Variants in MTUS2 observed in about 807,000 individuals in gnomAD.
MTUS2 encodes the protein microtubule associated scaffold protein 2.
Under a neutral mutation model 114.1 loss-of-function variants are expected in MTUS2, and 40 were observed. The observed-to-expected ratio is 0.35, with a 90% CI of 0.27 to 0.46. The LOEUF is 0.46. Ranked by LOEUF, MTUS2 falls within the 20% of genes least tolerant of loss-of-function variation. The pLI is 1.00. For missense variants in MTUS2, 1,679 were observed against 1,705.4 expected (o/e 0.98, Z 0.27); for synonymous variants, 688 against 672.0 (o/e 1.02, Z -0.37).
At chr13:29,281,291 C>T (rs1203789594) in intron 5 of MTUS2, among the ~76,000 whole-genome samples, 2 of 152,148 alleles carry the variant, frequency 1.3e-5, no homozygotes, top group Non-Finnish European at 2.9e-5. Context: ...TCCTGGGTCA[C>T]TCACGCTGTA....
At position 29,471,827 on chromosome 13, in the gene MTUS2, C is replaced by CG. The variant is rs148927712; in HGVS notation, c.3185-8320dup. The stretch of plus-strand genomic sequence containing the variant: ...CTTTGCAAATGGATTAGGCTACTTA[C>CG]GGGACCCCTAGTAGGCTTACTGTGG... On this transcript the variant is annotated intron_variant, in intron 9 of 15. Coordinates refer to ENST00000612955, the MANE Select transcript of MTUS2 (RefSeq NM_001033602.4). Among the ~76,000 whole-genome samples the CG allele has an allele frequency of 9.2e-3, 1,393 of 150,976 alleles. 30 individuals carry two copies. The highest frequency in any genetic ancestry group is 0.032 in the African/African-American group (1,304 of 41,148).
At chr13:29,056,781 G>C (rs571446429) in intron 4 of MTUS2, among the ~76,000 whole-genome samples, 2 of 151,812 alleles carry the variant, frequency 1.3e-5, no homozygotes, top group South Asian at 2.1e-4. Flanking sequence ...TTAATATTTT[G>C]TATTAATGTT....
At chr13:28,856,322 T>G (rs553732552) in intron 2 of MTUS2, among the ~76,000 whole-genome samples, 24 of 152,320 alleles carry the variant, frequency 1.6e-4, no homozygotes, top group African/African-American at 5.5e-4. Flanking sequence ...TGGCTGCATA[T>G]GTAGGGAAGT....
intron 8 of MTUS2, among the ~76,000 whole-genome samples, chr13:29,438,272 G>A (rs1488586303): frequency 2.0e-5 from 3 of 152,202 alleles, no homozygotes; most frequent in African/African-American, 7.2e-5. Flanking sequence ...GGGAAAACAA[G>A]GATGCTATGG....
intron 4 of MTUS2, among the ~76,000 whole-genome samples, chr13:29,063,991 CT>C (rs1186446058): frequency 2.6e-5 from 4 of 152,194 alleles, no homozygotes; most frequent in African/African-American, 9.7e-5. Context: ...TCTGGCAGAG[CT>C]CAGTGATAGA....
chr13:29,492,127 T>G (rs1390584037), intron 11 of MTUS2, among the ~76,000 whole-genome samples: 1 of 121,486 alleles, frequency 8.2e-6, no homozygotes, highest in Admixed American at 8.6e-5. Context: ...TGTGTGTGTA[T>G]GTGATGTGTG....
At chr13:29,475,203 C>T (rs537521679) in intron 9 of MTUS2, among the ~76,000 whole-genome samples, 37 of 152,216 alleles carry the variant, frequency 2.4e-4, no homozygotes, top group African/African-American at 7.9e-4. Flanking sequence ...TTCTATCACC[C>T]GGTGACGTCA....
chr13:28,870,725 ATTTG>A (rs1399803238), intron 2 of MTUS2, among the ~76,000 whole-genome samples: 5 of 152,166 alleles, frequency 3.3e-5, no homozygotes, highest in East Asian at 1.9e-4. Flanking sequence ...CAGAGCTATA[ATTTG>A]TTTAAGTATG....
chr13:28,821,264 C>A (rs1285988367), intron 1 of MTUS2, among the ~76,000 whole-genome samples: 1 of 152,028 alleles, frequency 6.6e-6, no homozygotes, highest in Non-Finnish European at 1.5e-5. Flanking sequence ...GCTTGAGGTA[C>A]CCTTTTAAGA....
At chr13:29,031,269 T>TGTGTGTGTGG (rs1223710633) in intron 3 of MTUS2, among the ~76,000 whole-genome samples, 2 of 128,100 alleles carry the variant, frequency 1.6e-5, no homozygotes, top group South Asian at 2.6e-4. Context: ...TGTGTGTGTG[T>TGTGTGTGTGG]GGTGTGTGTT....
At chr13:28,928,274 A>C (rs184753934) in intron 2 of MTUS2, among the ~76,000 whole-genome samples, 3 of 152,336 alleles carry the variant, frequency 2.0e-5, no homozygotes, top group Admixed American at 2.0e-4. Flanking sequence ...CAAGCCAAAA[A>C]GCTACTGCAT....
intron 6 of MTUS2, among the ~76,000 whole-genome samples, chr13:29,323,208 AT>A (rs1179372852): frequency 9.9e-5 from 15 of 151,834 alleles, no homozygotes; most frequent in Admixed American, 8.5e-4. Flanking sequence ...CCATAAGACG[AT>A]GGTGAACTGA....
chr13:29,040,063 C>T (rs1350043175), intron 4 of MTUS2, among the ~76,000 whole-genome samples: 2 of 152,036 alleles, frequency 1.3e-5, no homozygotes, highest in East Asian at 3.9e-4. Context: ...CTTGGTGCAC[C>T]CATTATTCAA....
chr13:29,158,358 C>CCCCCCCCCCT, intron 5 of MTUS2, among the ~76,000 whole-genome samples: 24 of 32,058 alleles, frequency 7.5e-4, no homozygotes, highest in African/African-American at 2.5e-3. Context: ...GTCCACCCCG[C>CCCCCCCCCCT]TTTTTTTTTT....
At chr13:28,902,260 A>G (rs995993539) in intron 2 of MTUS2, among the ~76,000 whole-genome samples, 1 of 152,198 alleles carries the variant, frequency 6.6e-6, no homozygotes, top group African/African-American at 2.4e-5. Flanking sequence ...GTAGCAAATT[A>G]TATGCAAACC....
At chr13:29,240,342 A>G (rs569060165) in intron 5 of MTUS2, among the ~76,000 whole-genome samples, 1 of 152,312 alleles carries the variant, frequency 6.6e-6, no homozygotes, top group South Asian at 2.1e-4. Context: ...ACTGTGGTCT[A>G]ATCAGCCATC....
chr13:29,289,975 T>G (rs1898639777), intron 6 of MTUS2, among the ~76,000 whole-genome samples: 1 of 152,168 alleles, frequency 6.6e-6, no homozygotes, highest in Non-Finnish European at 1.5e-5. Flanking sequence ...CATGATCAAA[T>G]TTCTTTTTCC....
At chr13:29,431,317 C>T (rs1432591643) in intron 8 of MTUS2, among the ~76,000 whole-genome samples, 5 of 152,174 alleles carry the variant, frequency 3.3e-5, no homozygotes, top group Non-Finnish European at 5.9e-5. Flanking sequence ...AAAGACCTAT[C>T]CATTGGAAAT....
intron 2 of MTUS2, among the ~76,000 whole-genome samples, chr13:28,973,205 G>T (rs1418556856): frequency 6.6e-6 from 1 of 152,126 alleles, no homozygotes; most frequent in Non-Finnish European, 1.5e-5. Context: ...CCTGTCTGCT[G>T]TTGATAGACA....
Sources: allele counts gnomAD v4.1 joint callset (sites outside exome capture counted in the v4.1 genomes callset), GRCh38; gene constraint gnomAD v4.1.1; transcripts MANE v1.5; gene names NCBI Gene and HGNC (gene_info 2026-07-23, HGNC 2026-07-21).